Variants in ZNF473 observed in about 807,000 individuals in gnomAD.
The protein encoded by ZNF473 is zinc finger protein 473.
In ZNF473, 4 loss-of-function variants were observed where a neutral mutation model predicts 11.1. The observed-to-expected ratio is 0.36, with a 90% CI of 0.18 to 0.82. The LOEUF is 0.82. Ranked by LOEUF, ZNF473 falls within the 40% of genes least tolerant of loss-of-function variation. The pLI is 0.49. For synonymous variants in ZNF473, 404 were observed against 390.4 expected (o/e 1.03, Z -0.41); for missense variants, 854 against 1,084.0 (o/e 0.79, Z 2.98).
intron 2 of ZNF473, among the ~76,000 whole-genome samples, chr19:50,038,065 G>A (rs1978557876): frequency 6.9e-6 from 1 of 144,682 alleles, no homozygotes; most frequent in African/African-American, 2.6e-5. Context: ...GGAGTGCAGT[G>A]GTGCGATCAC....
chr19:50,031,721 G>T (rs879471831), intron 2 of ZNF473, among the ~76,000 whole-genome samples: 2 of 152,144 alleles, frequency 1.3e-5, no homozygotes, highest in East Asian at 3.9e-4. Flanking sequence ...AGGAACTGAT[G>T]GGGATTCATC....
rs115378480 is a variant in ZNF473, at chr19:50,039,514, C to T, written c.136+227C>T. Among the ~76,000 whole-genome samples the T allele has an allele frequency of 1.3e-5, 2 of 152,244 alleles. No homozygotes were observed. The highest frequency in any genetic ancestry group is 1.3e-4 in the Admixed American group (2 of 15,286). ...TGCCGCTAGCATCTAGCTGGTGGAACCAAGGGAGGCTGCCACACATCCTAC... is the reference window on the plus strand; with the variant it reads ...TGCCGCTAGCATCTAGCTGGTGGAATCAAGGGAGGCTGCCACACATCCTAC... On this transcript the variant is annotated intron_variant, in intron 3 of 4. Transcript: ENST00000270617. The surrounding 1 kb of genome is among the most constrained non-coding windows in gnomAD (Gnocchi z 4.8).
In ZNF473 at chr19:50,045,791, C is replaced by T. The variant is rs1979074415; in HGVS notation, c.1348C>T (p.Arg450Trp). 9 of 1,613,978 alleles carry T rather than the reference C, an allele frequency of 5.6e-6. No homozygotes were observed. Among genetic ancestry groups the T allele is most frequent in the Admixed American group, 1.7e-5 (1 of 60,008 alleles). Residue 450 changes from arginine (R) to tryptophan (W), a missense_variant, in exon 5 of 5, where the codon CGG becomes TGG. Transcript: ENST00000270617. ...CCGGCACACTCACCTTAATGAACAT[C>T]GGCGAATTCATACAGGCTACAGACC... ...FHRHTHLNEH[R>W]RIHTGYRPHK...
At position 50,046,932 on chromosome 19, in the gene ZNF473, A is replaced by G. The variant is rs1293766400; in HGVS notation, c.2489A>G (p.Asn830Ser). ...GKAFVLSAHLNQHLRVHTQET... is the reference protein window; with the variant it reads ...GKAFVLSAHLSQHLRVHTQET... Reference sequence around the variant, plus strand: ...GCTTTTGTCCTCAGTGCCCATCTCAACCAGCACCTGAGAGTTCACACCCAG... The same window carrying G: ...GCTTTTGTCCTCAGTGCCCATCTCAGCCAGCACCTGAGAGTTCACACCCAG... The change falls in exon 5 of 5, where the codon AAC becomes AGC. Residue 830 changes from asparagine to serine, a missense_variant. Physicochemically the swap from Asn to Ser is conservative, Grantham distance 46. Around this residue, in one of 2 missense-constraint regions of ZNF473, gnomAD observed 186 missense variants for 293.8 expected, o/e 0.63. Coordinates refer to ENST00000270617, the MANE Select transcript of ZNF473 (RefSeq NM_015428.4). This position sits in a 1 kb window ranked among gnomAD's most constrained non-coding sequence, Gnocchi z 5.9. The G allele has an allele frequency of 3.7e-6, 6 of 1,614,068 alleles. No homozygotes were observed. Among genetic ancestry groups the G allele is most frequent in the African/African-American group, 2.7e-5 (2 of 74,920 alleles).
chr19:50,029,669 G>A (rs1296855533), intron 1 of ZNF473, among the ~76,000 whole-genome samples: 1 of 152,176 alleles, frequency 6.6e-6, no homozygotes, highest in African/African-American at 2.4e-5. Flanking sequence ...AAATGTCTGT[G>A]GTACAGTTTT....
At chr19:50,038,009 A>AT (rs11462425) in intron 2 of ZNF473, among the ~76,000 whole-genome samples, 98,717 of 134,762 alleles carry the variant, frequency 0.73, 36,785 homozygotes, top group Admixed American at 0.8. Context: ...ATAGTAGAAA[A>AT]TTTTTTTTTT....
At chr19:50,030,774 A>T (rs541517340) in intron 1 of ZNF473, 118 bp from the exon 2 acceptor site, 88 of 476,240 alleles carry the variant, frequency 1.8e-4, no homozygotes, top group Non-Finnish European at 2.4e-4. Flanking sequence ...GTGCTGACTG[A>T]CTGTTAGGTG....
chr19:50,040,906 C>T (rs962723027), intron 3 of ZNF473, among the ~76,000 whole-genome samples: 1 of 152,218 alleles, frequency 6.6e-6, no homozygotes, highest in African/African-American at 2.4e-5. Context: ...TTTTAAACTA[C>T]AGCCCACAGT....
At chr19:50,041,969 G>A (rs985478459) in intron 4 of ZNF473, 150 bp downstream of exon 4, 3 of 605,062 alleles carry the variant, frequency 5.0e-6, no homozygotes, top group Non-Finnish European at 8.4e-6. Context: ...CCATCCCCTT[G>A]TCCTGGGAGC....
chr19:50,034,015 C>G (rs761566072), intron 2 of ZNF473, among the ~76,000 whole-genome samples: 1 of 152,126 alleles, frequency 6.6e-6, no homozygotes, highest in African/African-American at 2.4e-5. Flanking sequence ...TGTGGGGTGG[C>G]GGCATTATTC....
chr19:50,030,959 A>C lies in ZNF473; in HGVS notation c.-124A>C. ...TGGGGGCTCGTCAGCATGGACAGCGAGTCAGCCATGGGTGGAAGGGAGGCT... is the reference window on the plus strand; with the variant it reads ...TGGGGGCTCGTCAGCATGGACAGCGCGTCAGCCATGGGTGGAAGGGAGGCT... On this transcript the variant is annotated 5_prime_UTR_variant, in exon 2 of 5. Transcript: ENST00000270617. 7.1e-7 allele frequency: 1 copy of C among 1,407,284 alleles called. No individual in the cohort carries two copies. The highest frequency in any genetic ancestry group is 2.0e-5 in the Admixed American group (1 of 50,736). 87.2% of individuals were successfully genotyped at this position (1,407,284 alleles called of 1,614,324 possible).
chr19:50,035,310 T>C (rs1978362052), intron 2 of ZNF473, among the ~76,000 whole-genome samples: 1 of 151,952 alleles, frequency 6.6e-6, no homozygotes, highest in Admixed American at 6.6e-5. Context: ...AAAATTTATC[T>C]ACTATTTGTC....
In ZNF473 at chr19:50,027,828, C is replaced by T. The variant is rs146272735; in HGVS notation, c.-192+1706C>T. Reference sequence around the variant, plus strand: ...TCAGCCTCCCAAGCAGCTGGAATTACAGGCGTGCACCACCATGCCTGGCTA... The same window carrying T: ...TCAGCCTCCCAAGCAGCTGGAATTATAGGCGTGCACCACCATGCCTGGCTA... On this transcript the variant is annotated intron_variant, in intron 1 of 4. Coordinates refer to ENST00000270617, the MANE Select transcript of ZNF473 (RefSeq NM_015428.4). 8.6e-3 allele frequency among the ~76,000 whole-genome samples: 1,302 copies of T among 152,140 alleles called. 79 individuals carry two copies. The East Asian group carries it at 0.11, about 13-fold the overall frequency.
intron 1 of ZNF473, among the ~76,000 whole-genome samples, chr19:50,027,982 C>T (rs571514692): frequency 7.9e-4 from 120 of 152,218 alleles, no homozygotes; most frequent in Middle Eastern, 3.4e-3. Context: ...AGCCACTGCA[C>T]CCAGCCGCTT....
chr19:50,042,770 C>T (rs1978846538), intron 4 of ZNF473: 1 of 152,230 alleles, frequency 6.6e-6, no homozygotes, highest in Admixed American at 6.5e-5. Flanking sequence ...CAGCTCCTGA[C>T]ATCATGCTTG....
rs1009916784 is a variant in ZNF473, at chr19:50,045,209, C to G, written c.766C>G (p.Pro256Ala). The change falls in exon 5 of 5, where the codon CCG (proline) becomes GCG (alanine). Residue 256 changes from proline to alanine, a missense_variant. Physicochemically the swap from Pro to Ala is conservative, Grantham distance 27. Coordinates refer to ENST00000270617, the MANE Select transcript of ZNF473 (RefSeq NM_015428.4). Reference protein sequence around the residue: ...FDRNASLSVYPKTHTGYKFYV... With the variant: ...FDRNASLSVYAKTHTGYKFYV... The stretch of plus-strand genomic sequence containing the variant: ...CCGGAATGCTTCCCTTTCTGTGTAT[C>G]CGAAAACTCACACGGGCTACAAATT... 6.2e-7 allele frequency: 1 copy of G among 1,614,046 alleles called. No individual in the cohort carries two copies. Among genetic ancestry groups the G allele is most frequent in the African/African-American group, 1.3e-5 (1 of 74,912 alleles).
chr19:50,038,202 T>TTA (rs201882735), intron 2 of ZNF473, among the ~76,000 whole-genome samples: 23 of 147,106 alleles, frequency 1.6e-4, no homozygotes, highest in Admixed American at 7.5e-4. Context: ...AATTTATAAA[T>TTA]TATATATATA....
intron 3 of ZNF473, 118 bp from the exon 4 acceptor site, chr19:50,041,612 A>G: frequency 1.2e-6 from 1 of 848,648 alleles, no homozygotes; most frequent in Non-Finnish European, 1.8e-6. Flanking sequence ...TCGTCCACAC[A>G]CAGGAGCCAC....
intron 1 of ZNF473, among the ~76,000 whole-genome samples, chr19:50,029,085 A>G (rs1265140029): frequency 1.3e-5 from 2 of 152,104 alleles, no homozygotes; most frequent in East Asian, 3.9e-4. Context: ...CTCTAGGGTA[A>G]AGTGTTCAAT....
Sources: allele counts gnomAD v4.1 joint callset (sites outside exome capture counted in the v4.1 genomes callset), GRCh38; gene constraint gnomAD v4.1.1; regional missense constraint gnomAD v4.1.1; non-coding constraint Gnocchi (gnomAD v3.1); transcripts MANE v1.5; gene names NCBI Gene and HGNC (gene_info 2026-07-23, HGNC 2026-07-21).